The following TOP1 variants were observed in gnomAD, a reference collection of about 807,000 sequenced individuals.
TOP1 encodes the protein DNA topoisomerase 1.
In TOP1, 10 loss-of-function variants were observed where a neutral mutation model predicts 111.1. That is an observed-to-expected ratio of 0.09 (90% CI 0.06 to 0.15). The LOEUF is 0.15. TOP1 is among the 10% of genes least tolerant of loss of function. The pLI is 1.00. For synonymous variants in TOP1, 271 were observed against 302.9 expected (o/e 0.89, Z 1.10); for missense variants, 474 against 926.7 (o/e 0.51, Z 6.34).
At chr20:41,057,658 T>C (rs1311932684) in intron 2 of TOP1, among the ~76,000 whole-genome samples, 2 of 152,228 alleles carry the variant, frequency 1.3e-5, no homozygotes, top group African/African-American at 4.8e-5. Flanking sequence ...CTAAGATAAC[T>C]GCTTTTAATA....
chr20:41,120,956 T>C (rs1270498545), intron 18 of TOP1, among the ~76,000 whole-genome samples: 1 of 152,232 alleles, frequency 6.6e-6, no homozygotes, highest in Admixed American at 6.5e-5. Flanking sequence ...TTAGCCAGGA[T>C]GGTCTTGATC....
chr20:41,090,474 T>C (rs191371598), intron 8 of TOP1, among the ~76,000 whole-genome samples: 2 of 152,340 alleles, frequency 1.3e-5, no homozygotes, highest in African/African-American at 4.8e-5. Flanking sequence ...TGTCCTTTGA[T>C]GCACAGAAGT....
At chr20:41,086,729 G>C (rs2033853640) in intron 8 of TOP1, among the ~76,000 whole-genome samples, 1 of 152,210 alleles carries the variant, frequency 6.6e-6, no homozygotes. Flanking sequence ...TTGGGTTAAA[G>C]GGGAACTGGC....
At chr20:41,113,301 A>G (rs1295365800) in intron 14 of TOP1, among the ~76,000 whole-genome samples, 4 of 152,196 alleles carry the variant, frequency 2.6e-5, no homozygotes, top group Non-Finnish European at 4.4e-5. Flanking sequence ...ATAAGTTCTG[A>G]ATTGTCTCAA....
intron 2 of TOP1, among the ~76,000 whole-genome samples, chr20:41,043,848 T>C (rs2033298784): frequency 6.6e-6 from 1 of 152,250 alleles, no homozygotes; most frequent in Non-Finnish European, 1.5e-5. Context: ...CTAATTGAGC[T>C]GGCCTGAGAA....
rs2034453406 is a variant in TOP1 at position 41,123,665 on chromosome 20, C to T, written c.*368C>T. On this transcript the variant is annotated 3_prime_UTR_variant, in exon 21 of 21. Coordinates refer to ENST00000361337, the MANE Select transcript of TOP1 (RefSeq NM_003286.4). This position sits in a 1 kb window ranked among gnomAD's most constrained non-coding sequence, Gnocchi z 5.8. ...TATGCAAAGTCCGATTATATTGGTGCGTTTTTACAGTTAGGGTTTTGCAAT... is the reference window on the plus strand; with the variant it reads ...TATGCAAAGTCCGATTATATTGGTGTGTTTTTACAGTTAGGGTTTTGCAAT... 4.2e-6 allele frequency: 1 copy of T among 239,234 alleles called. No homozygotes were observed. Among genetic ancestry groups the T allele is most frequent in the Non-Finnish European group, 8.2e-6 (1 of 122,158 alleles). The allele number at this position is 239,234 out of a possible 1,614,324, so 14.8% of individuals were successfully genotyped here. A position where few individuals can be genotyped will look rare whatever the true frequency, so the allele number is the denominator to read the frequency against.
At chr20:41,035,844 G>A (rs1162316968) in intron 2 of TOP1, among the ~76,000 whole-genome samples, 1 of 152,112 alleles carries the variant, frequency 6.6e-6, no homozygotes, top group Non-Finnish European at 1.5e-5. Flanking sequence ...GTATATTACT[G>A]ATTGTGCAGG....
chr20:41,034,941 G>A lies in TOP1; in HGVS notation c.58+5486G>A, dbSNP rs894146423. On this transcript the variant is annotated intron_variant, in intron 2 of 20. Coordinates refer to ENST00000361337, the MANE Select transcript of TOP1 (RefSeq NM_003286.4). The surrounding 1 kb of genome is among the most constrained non-coding windows in gnomAD (Gnocchi z 4.0). Reference sequence around the variant, plus strand: ...GTTTCTGTTTGTTGCCCGGGCTGGAGCGCAGTAGTGTGATTGCAGCTCACT... The same window carrying A: ...GTTTCTGTTTGTTGCCCGGGCTGGAACGCAGTAGTGTGATTGCAGCTCACT... 6.6e-6 allele frequency among the ~76,000 whole-genome samples: 1 copy of A among 152,126 alleles called. No homozygotes were observed. The highest frequency in any genetic ancestry group is 1.5e-5 in the Non-Finnish European group (1 of 68,038).
Position 41,115,354 on chromosome 20 carries a change from T to C in TOP1, c.1639-17T>C, listed in dbSNP as rs1451241711. On this transcript the variant is annotated splice_polypyrimidine_tract_variant and intron_variant, in intron 15 of 20. Coordinates refer to ENST00000361337, the MANE Select transcript of TOP1 (RefSeq NM_003286.4). The surrounding 1 kb of genome is among the most constrained non-coding windows in gnomAD (Gnocchi z 6.3). ...TTTTTTCAAGAGTAATAATTAGGAT[T>C]CACTTATATCTTTTAGGTTTTTAAG... 1.3e-6 allele frequency: 2 copies of C among 1,575,794 alleles called. No homozygotes were observed. The highest frequency in any genetic ancestry group is 1.1e-5 in the South Asian group (1 of 90,174).
rs1030261435 is a variant in TOP1, at chr20:41,112,768, T to C, written c.1309-14T>C. 6.2e-7 allele frequency: 1 copy of C among 1,613,942 alleles called. No homozygotes were observed. ...GTCCCAAAGTAATCTACATTTGGGT[T>C]TGGGTCTTTACAGGGTGAGAAGGAC... On this transcript the variant is annotated splice_polypyrimidine_tract_variant and intron_variant, in intron 13 of 20. Transcript: ENST00000361337. The surrounding 1 kb of genome is among the most constrained non-coding windows in gnomAD (Gnocchi z 5.8).
Position 41,084,894 on chromosome 20 carries a change from C to T in TOP1, c.614+326C>T, listed in dbSNP as rs57609045. Among the ~76,000 whole-genome samples, 1,079 of 152,200 alleles carry T rather than the reference C, an allele frequency of 7.1e-3. 12 individuals are homozygous for T. Among genetic ancestry groups the T allele is most frequent in the African/African-American group, 0.025 (1,021 of 41,516 alleles). ...GGAAAGGACAGATTATTATGTAAGTCGTGTTGGGAAAACTGCCTGTTCAAC... is the reference window on the plus strand; with the variant it reads ...GGAAAGGACAGATTATTATGTAAGTTGTGTTGGGAAAACTGCCTGTTCAAC... On this transcript the variant is annotated intron_variant, in intron 8 of 20. Coordinates refer to ENST00000361337, the MANE Select transcript of TOP1 (RefSeq NM_003286.4).
At chr20:41,047,982 C>T (rs941692163) in intron 2 of TOP1, among the ~76,000 whole-genome samples, 1 of 152,004 alleles carries the variant, frequency 6.6e-6, no homozygotes, top group African/African-American at 2.4e-5. Context: ...GCTGTGCCAC[C>T]CCTTAAGTAG....
chr20:41,047,941 TA>T (rs1334350649), intron 2 of TOP1, among the ~76,000 whole-genome samples: 1 of 152,182 alleles, frequency 6.6e-6, no homozygotes, highest in Non-Finnish European at 1.5e-5. Flanking sequence ...AGAGCTTGAC[TA>T]ACCCCCTCCT....
In TOP1 at chr20:41,080,146, A is replaced by G. The variant is rs1412658739; in HGVS notation, c.397A>G (p.Ile133Val). 2.5e-6 allele frequency: 4 copies of G among 1,610,668 alleles called. No individual in the cohort carries two copies. The highest frequency in any genetic ancestry group is 1.7e-5 in the Admixed American group (1 of 59,682). Residue 133 changes from isoleucine (I) to valine (V), a missense_variant, in exon 6 of 21, where the codon ATA (isoleucine) becomes GTA (valine). By Grantham distance (29) the Ile-to-Val change is conservative. Coordinates refer to ENST00000361337, the MANE Select transcript of TOP1 (RefSeq NM_003286.4). This position sits in a 1 kb window ranked among gnomAD's most constrained non-coding sequence, Gnocchi z 5.0. ...CTATTTTGTTCCTCCTAAAGAGGAT[A>G]TAAAGCCATTAAAGAGACCTCGAGA... ...DGYFVPPKED[I>V]KPLKRPRDED... is the part of the protein sequence containing the mutation.
rs769809378 is a variant in TOP1, at chr20:41,121,814, T to C, written c.2045+24T>C. 1.1e-5 allele frequency: 18 copies of C among 1,608,166 alleles called. No homozygotes were observed. Among genetic ancestry groups the C allele is most frequent in the Non-Finnish European group, 1.4e-5 (17 of 1,174,726 alleles). On this transcript the variant is annotated intron_variant, in intron 19 of 20. Transcript: ENST00000361337. The surrounding 1 kb of genome is among the most constrained non-coding windows in gnomAD (Gnocchi z 4.2). The stretch of plus-strand genomic sequence containing the variant: ...AAGTATGTACCTGGTATTGTGAAAG[T>C]TGGGGCTGGTAGAGAAAAGTGTGCA...
Position 41,030,630 on chromosome 20 carries a change from A to G in TOP1, c.58+1175A>G, listed in dbSNP as rs1338540721. Among the ~76,000 whole-genome samples the G allele has an allele frequency of 6.6e-6, 1 of 152,178 alleles. No individual in the cohort carries two copies. The highest frequency in any genetic ancestry group is 1.5e-5 in the Non-Finnish European group (1 of 68,034). The stretch of plus-strand genomic sequence containing the variant: ...CTTTCGAACAACCCTGTTGAAGGAG[A>G]AGTTACCTTCTGTAGTGTGCTGGGA... On this transcript the variant is annotated intron_variant, in intron 2 of 20. Coordinates refer to ENST00000361337, the MANE Select transcript of TOP1 (RefSeq NM_003286.4). The surrounding 1 kb of genome is among the most constrained non-coding windows in gnomAD (Gnocchi z 4.1).
intron 2 of TOP1, among the ~76,000 whole-genome samples, chr20:41,044,606 G>A (rs2033310339): frequency 6.6e-6 from 1 of 152,218 alleles, no homozygotes; most frequent in Non-Finnish European, 1.5e-5. Context: ...ACAGAATAGT[G>A]CAGTACCATG....
Position 41,118,751 on chromosome 20 carries a change from G to A in TOP1, c.1950+455G>A, listed in dbSNP as rs578138367. ...CTAGCATAGCTATTTTTATTTTTAC[G>A]CATTCCACATGAATCATATTTTTAT... On this transcript the variant is annotated intron_variant, in intron 18 of 20. Transcript: ENST00000361337. This position sits in a 1 kb window ranked among gnomAD's most constrained non-coding sequence, Gnocchi z 4.6. Among the ~76,000 whole-genome samples the A allele has an allele frequency of 1.3e-5, 2 of 152,102 alleles. No individual in the cohort carries two copies. Among genetic ancestry groups the A allele is most frequent in the South Asian group, 2.1e-4 (1 of 4,820 alleles).
intron 2 of TOP1, among the ~76,000 whole-genome samples, chr20:41,036,982 C>A (rs1185773090): frequency 2.6e-5 from 4 of 152,218 alleles, no homozygotes; most frequent in East Asian, 1.9e-4. Context: ...AGGCGCCCGC[C>A]ACCACGCCTG....
Sources: gnomAD v4.1 joint callset for allele counts (sites outside exome capture counted in the v4.1 genomes callset) on GRCh38, gnomAD v4.1.1 for gene constraint, Gnocchi (gnomAD v3.1) non-coding constraint, MANE v1.5 for transcripts, NCBI Gene and HGNC (gene_info 2026-07-23, HGNC 2026-07-21) for gene names.